NR6A1: variants seen among roughly 807,000 people sequenced by gnomAD.
The protein encoded by NR6A1 is nuclear receptor subfamily 6 group A member 1.
In NR6A1, 7 loss-of-function variants were observed where a neutral mutation model predicts 59.1. That is an observed-to-expected ratio of 0.12 (90% confidence interval 0.07 to 0.22). The LOEUF (loss-of-function observed/expected upper bound fraction) is 0.22, where lower values mean the gene tolerates loss of function less well. NR6A1 is among the 10% of genes least tolerant of loss of function. The pLI is 1.00. For synonymous variants in NR6A1, 243 were observed against 236.1 expected (o/e 1.03, Z -0.27); for missense variants, 468 against 611.6 (o/e 0.77, Z 2.48).
chr9:124,594,005 A>C (rs1835203398), intron 2 of NR6A1, among the ~76,000 whole-genome samples: 1 of 152,212 alleles, frequency 6.6e-6, no homozygotes, highest in Non-Finnish European at 1.5e-5. Context: ...CTGTGAACTA[A>C]AACAAAACAT....
At chr9:124,574,307 C>T (rs1294491849) in intron 2 of NR6A1, among the ~76,000 whole-genome samples, 1 of 152,164 alleles carries the variant, frequency 6.6e-6, no homozygotes. Context: ...AGATGTCACA[C>T]TTGCTAGATA....
chr9:124,565,636 A>C (rs979605064), intron 2 of NR6A1, among the ~76,000 whole-genome samples: 2 of 152,188 alleles, frequency 1.3e-5, no homozygotes, highest in Non-Finnish European at 2.9e-5. Flanking sequence ...TAAGAATAAG[A>C]AAAAGGCAAC....
chr9:124,684,634 A>G (rs1337413989), intron 2 of NR6A1, among the ~76,000 whole-genome samples: 5 of 152,194 alleles, frequency 3.3e-5, no homozygotes, highest in African/African-American at 9.7e-5. Context: ...ATTCCTCCCC[A>G]GAGAGCAGCC....
intron 4 of NR6A1, among the ~76,000 whole-genome samples, chr9:124,542,151 A>G (rs1163779708): frequency 6.6e-6 from 1 of 152,256 alleles, no homozygotes; most frequent in Non-Finnish European, 1.5e-5. Flanking sequence ...ATTTTGTTCA[A>G]AAGGTAGATT....
chr9:124,762,469 T>C (rs1158592396), intron 1 of NR6A1, among the ~76,000 whole-genome samples: 1 of 152,166 alleles, frequency 6.6e-6, no homozygotes, highest in African/African-American at 2.4e-5. Context: ...TGATTTTTTG[T>C]TGTTGTTGAA....
chr9:124,712,258 T>C (rs1839299713), intron 2 of NR6A1, among the ~76,000 whole-genome samples: 1 of 152,154 alleles, frequency 6.6e-6, no homozygotes, highest in African/African-American at 2.4e-5. Flanking sequence ...ATTAAACTAA[T>C]GCAGATTCAA....
intron 2 of NR6A1, among the ~76,000 whole-genome samples, chr9:124,656,087 T>C (rs1837250474): frequency 6.6e-6 from 1 of 152,028 alleles, no homozygotes; most frequent in Admixed American, 6.6e-5. Flanking sequence ...AGTCAGTGAG[T>C]GCTGGCTCTA....
chr9:124,575,125 T>C (rs576233112), intron 2 of NR6A1, among the ~76,000 whole-genome samples: 1 of 152,338 alleles, frequency 6.6e-6, no homozygotes, highest in East Asian at 1.9e-4. Flanking sequence ...GCCTACCGCC[T>C]GTATTACACA....
intron 2 of NR6A1, among the ~76,000 whole-genome samples, chr9:124,685,311 A>C (rs1838296917): frequency 6.6e-6 from 1 of 152,204 alleles, no homozygotes; most frequent in Non-Finnish European, 1.5e-5. Context: ...TACATTTCCC[A>C]TCGCTACCAC....
rs1451507273 is a variant in NR6A1 at position 124,524,865 on chromosome 9, C to T, written c.1210G>A (p.Gly404Ser). Reference protein sequence around the residue: ...AINFLNQDIRGLTSASQLEQL... With the variant: ...AINFLNQDIRSLTSASQLEQL... Reference sequence around the variant, plus strand: ...TCCAGCTGTGAGGCACTGGTCAGACCCCTGATATCTGTGGAAAAAAAAAAA... The same window carrying T: ...TCCAGCTGTGAGGCACTGGTCAGACTCCTGATATCTGTGGAAAAAAAAAAA... Residue 404 changes from glycine to serine, a missense_variant, in exon 9 of 10, where the codon GGT becomes AGT. Coordinates refer to ENST00000487099, the MANE Select transcript of NR6A1 (RefSeq NM_033334.4). The T allele has an allele frequency of 1.3e-6, 2 of 1,599,964 alleles. No homozygotes were observed. The highest frequency in any genetic ancestry group is 1.4e-5 in the African/African-American group (1 of 72,474).
At chr9:124,734,287 G>A (rs771111194) in intron 1 of NR6A1, among the ~76,000 whole-genome samples, 5 of 152,182 alleles carry the variant, frequency 3.3e-5, no homozygotes, top group Non-Finnish European at 7.3e-5. Flanking sequence ...CCATGAGGGC[G>A]GGGATCCGAC....
At chr9:124,728,441 G>A (rs144994443) in intron 2 of NR6A1, among the ~76,000 whole-genome samples, 50 of 151,840 alleles carry the variant, frequency 3.3e-4, no homozygotes, top group Admixed American at 5.9e-4. Flanking sequence ...CAAGACCAGC[G>A]TGGCCAAGAT....
At chr9:124,603,686 C>A (rs1030922607) in intron 2 of NR6A1, among the ~76,000 whole-genome samples, 1 of 152,072 alleles carries the variant, frequency 6.6e-6, no homozygotes, top group Non-Finnish European at 1.5e-5. Context: ...TTTTTGCCAA[C>A]CAGTGTATCT....
chr9:124,675,915 T>C (rs1837944247), intron 2 of NR6A1, among the ~76,000 whole-genome samples: 1 of 152,176 alleles, frequency 6.6e-6, no homozygotes, highest in Non-Finnish European at 1.5e-5. Flanking sequence ...CCGGTACGTG[T>C]AGGTGTAATT....
chr9:124,718,803 C>CTT (rs11316308), intron 2 of NR6A1, among the ~76,000 whole-genome samples: 6 of 64,538 alleles, frequency 9.3e-5, no homozygotes, highest in South Asian at 9.2e-4. Context: ...AAATTGTTAC[C>CTT]TTTTTTTTTT....
chr9:124,534,072 C>CT lies in NR6A1; in HGVS notation c.1079+1805dup, dbSNP rs113862423. The stretch of plus-strand genomic sequence containing the variant: ...TAAATACAAACTAAGCATTATAAGA[C>CT]TTTTTTTTTTTTTTTTTGAGACGGA... On this transcript the variant is annotated intron_variant, in intron 7 of 9. Transcript: ENST00000487099. Among the ~76,000 whole-genome samples the CT allele has an allele frequency of 9.2e-3, 1,251 of 135,686 alleles. 16 individuals are homozygous for CT. Among genetic ancestry groups the CT allele is most frequent in the South Asian group, 0.049 (209 of 4,234 alleles). 89.0% of individuals were successfully genotyped at this position (135,686 alleles called of 152,430 possible). A position where few individuals can be genotyped will look rare whatever the true frequency, so the allele number is the denominator to read the frequency against.
Position 124,522,670 on chromosome 9 carries a change from G to A in NR6A1, c.*35C>T, listed in dbSNP as rs942425197. On this transcript the variant is annotated 3_prime_UTR_variant, in exon 10 of 10. Coordinates refer to ENST00000487099, the MANE Select transcript of NR6A1 (RefSeq NM_033334.4). ...AGAGCCTGTCCTGCCCACCCAAGAC[G>A]CTGTGGTTGGCCTGAGGAGGGCGCC... 5.3e-5 allele frequency: 81 copies of A among 1,524,136 alleles called. No individual in the cohort carries two copies. Among genetic ancestry groups the A allele is most frequent in the Non-Finnish European group, 6.5e-5 (73 of 1,124,294 alleles). The allele number at this position is 1,524,136 out of a possible 1,614,324, so 94.4% of individuals were successfully genotyped here.
At chr9:124,701,977 G>A (rs538652064) in intron 2 of NR6A1, among the ~76,000 whole-genome samples, 4 of 152,162 alleles carry the variant, frequency 2.6e-5, no homozygotes, top group Non-Finnish European at 4.4e-5. Context: ...CACCCATCTC[G>A]GCCTCCCAAA....
intron 3 of NR6A1, among the ~76,000 whole-genome samples, chr9:124,544,654 T>G (rs1447543952): frequency 2.0e-5 from 3 of 152,136 alleles, no homozygotes; most frequent in African/African-American, 7.2e-5. Flanking sequence ...AAGCTGAAGG[T>G]AAGAATAAGC....
Sources: gnomAD v4.1 joint callset for allele counts (sites outside exome capture counted in the v4.1 genomes callset) on GRCh38, gnomAD v4.1.1 for gene constraint, MANE v1.5 for transcripts, NCBI Gene and HGNC (gene_info 2026-07-23, HGNC 2026-07-21) for gene names.